SPPL3: variants seen among roughly 807,000 people sequenced by gnomAD.
SPPL3 encodes signal peptide peptidase like 3.
A neutral mutation model predicts 42.4 loss-of-function variants in SPPL3; 5 were observed. The observed-to-expected ratio is 0.12, with a 90% confidence interval of 0.06 to 0.25. The LOEUF (loss-of-function observed/expected upper bound fraction) is 0.25. Among genes scored for constraint, SPPL3 ranks in the 10% least tolerant of loss-of-function variants. The probability of loss-of-function intolerance (pLI) is 1.00; values close to 1 mark genes in which losing one functional copy is unlikely to be tolerated. For synonymous variants in SPPL3, 195 were observed against 181.8 expected, an observed-to-expected ratio of 1.07 and a Z score of -0.58; for missense variants, 235 against 489.0, an observed-to-expected ratio of 0.48 and a Z score of 4.90.
At chr12:120,875,021 C>CTA (rs1210364441) in intron 1 of SPPL3, among the ~76,000 whole-genome samples, 1 of 152,162 alleles carries the variant, frequency 6.6e-6, no homozygotes, top group Admixed American at 6.5e-5. Context: ...GGCCAACAGA[C>CTA]TAAGCTAAGG....
At chr12:120,780,757 AC>A (rs1228001191) in intron 6 of SPPL3, among the ~76,000 whole-genome samples, 6 of 150,794 alleles carry the variant, frequency 4.0e-5, no homozygotes, top group South Asian at 2.1e-4. Flanking sequence ...AAAAAACAAA[AC>A]AAAAATTAGC....
chr12:120,781,686 T>C lies in SPPL3; in HGVS notation c.502+969A>G, dbSNP rs1414489703. Among the ~76,000 whole-genome samples the C allele has an allele frequency of 4.7e-5, 7 of 149,386 alleles. No individual in the cohort carries two copies. In the Admixed American group the frequency reaches 4.7e-4, roughly 10 times the overall value. On this transcript the variant is annotated intron_variant, in intron 6 of 10. Transcript: ENST00000353487. ...CCTCCCGGGTTCACACCTCCGGAGT[T>C]CTCCTGCCTCAGCCTCCCGAGTAGC...
Position 120,867,720 on chromosome 12 carries a change from C to G in SPPL3, c.23+36125G>C, listed in dbSNP as rs1279224337. The stretch of plus-strand genomic sequence containing the variant: ...AGAAGTTTATCTTAGAGTTGAACAA[C>G]TATGGTATTAGACAATTCATGTATT... On this transcript the variant is annotated intron_variant, in intron 1 of 10. Coordinates refer to ENST00000353487, the MANE Select transcript of SPPL3 (RefSeq NM_139015.5). Among the ~76,000 whole-genome samples the G allele has an allele frequency of 2.8e-4, 41 of 145,844 alleles. No individual in the cohort carries two copies. The Admixed American group carries it at 2.9e-3, about 10-fold the overall frequency.
chr12:120,836,018 C>A lies in SPPL3; in HGVS notation c.24-25132G>T, dbSNP rs566439624. On this transcript the variant is annotated intron_variant, in intron 1 of 10. Coordinates refer to ENST00000353487, the MANE Select transcript of SPPL3 (RefSeq NM_139015.5). Reference sequence around the variant, plus strand: ...ACTTTTTATGAAATTCAAATGAGTTCACATTTCAAAATTGAAGTAAGGTAG... The same window carrying A: ...ACTTTTTATGAAATTCAAATGAGTTAACATTTCAAAATTGAAGTAAGGTAG... 1.3e-4 allele frequency among the ~76,000 whole-genome samples: 20 copies of A among 152,242 alleles called. No homozygotes were observed. In the South Asian group the frequency reaches 4.1e-3, roughly 32 times the overall value.
At chr12:120,883,260 G>A (rs1014001290) in intron 1 of SPPL3, among the ~76,000 whole-genome samples, 4 of 151,976 alleles carry the variant, frequency 2.6e-5, no homozygotes, top group African/African-American at 7.3e-5. Flanking sequence ...AGCCGAGATC[G>A]CACCACTGCA....
intron 1 of SPPL3, among the ~76,000 whole-genome samples, chr12:120,830,012 A>G (rs563258033): frequency 1.3e-5 from 2 of 149,956 alleles, no homozygotes; most frequent in South Asian, 4.2e-4. Context: ...AAAAAAAAGA[A>G]GAGTAAATTT....
intron 1 of SPPL3, among the ~76,000 whole-genome samples, chr12:120,856,030 A>G (rs527743725): frequency 7.9e-5 from 12 of 152,240 alleles, no homozygotes; most frequent in Non-Finnish European, 1.6e-4. Flanking sequence ...GTAATATTAC[A>G]GCACTGTCCA....
chr12:120,884,242 G>T (rs555044141), intron 1 of SPPL3, among the ~76,000 whole-genome samples: 29 of 152,154 alleles, frequency 1.9e-4, no homozygotes, highest in Non-Finnish European at 3.4e-4. Context: ...AGAGTACAAA[G>T]GGGGCTTCCA....
At chr12:120,873,548 AGAAG>A (rs1872991747) in intron 1 of SPPL3, among the ~76,000 whole-genome samples, 1 of 152,228 alleles carries the variant, frequency 6.6e-6, no homozygotes, top group Non-Finnish European at 1.5e-5. Context: ...TCAAGTGTCC[AGAAG>A]GAAAAGGCCG....
At chr12:120,855,704 A>G (rs56206244) in intron 1 of SPPL3, among the ~76,000 whole-genome samples, 6,356 of 145,566 alleles carry the variant, frequency 0.044, 187 homozygotes, top group South Asian at 0.12. Context: ...CAAAAAAAAA[A>G]AAGAAAAGAA....
At chr12:120,901,928 T>C (rs1157301389) in intron 1 of SPPL3, 1 of 985,380 alleles carries the variant, frequency 1.0e-6, no homozygotes, top group Non-Finnish European at 1.2e-6. Flanking sequence ...AGTTTTCTAT[T>C]CTTTCAACCA....
intron 1 of SPPL3, among the ~76,000 whole-genome samples, chr12:120,817,132 T>TA (rs34780548): frequency 0.11 from 15,466 of 143,496 alleles, 1,526 homozygotes; most frequent in African/African-American, 0.27. Context: ...TATGAAAAAT[T>TA]AAAAAAAAAA....
intron 1 of SPPL3, among the ~76,000 whole-genome samples, chr12:120,843,829 G>A (rs1311025936): frequency 3.9e-5 from 6 of 152,060 alleles, no homozygotes; most frequent in East Asian, 3.8e-4. Flanking sequence ...ATGGTGGCAC[G>A]CGCCTATAAC....
At chr12:120,769,343 C>A in intron 6 of SPPL3, 1 of 317,884 alleles carries the variant, frequency 3.1e-6, no homozygotes, top group South Asian at 4.2e-5. Flanking sequence ...TCTTTTCCTG[C>A]CTTCCCTCCA....
chr12:120,829,933 G>T (rs939831254), intron 1 of SPPL3, among the ~76,000 whole-genome samples: 1 of 150,918 alleles, frequency 6.6e-6, no homozygotes, highest in African/African-American at 2.4e-5. Context: ...GATAGAGGTC[G>T]CAGTGAGCTG....
chr12:120,838,811 T>C (rs962165389), intron 1 of SPPL3, among the ~76,000 whole-genome samples: 2 of 152,202 alleles, frequency 1.3e-5, no homozygotes, highest in South Asian at 4.2e-4. Context: ...CAATGAGATA[T>C]CATCTCACAC....
At chr12:120,892,997 A>C (rs1336043160) in intron 1 of SPPL3, among the ~76,000 whole-genome samples, 1 of 151,522 alleles carries the variant, frequency 6.6e-6, no homozygotes, top group African/African-American at 2.4e-5. Context: ...AAAAAAAAAA[A>C]AAAATACAAC....
intron 3 of SPPL3, among the ~76,000 whole-genome samples, chr12:120,789,346 C>T (rs917923225): frequency 2.1e-4 from 31 of 147,062 alleles, no homozygotes; most frequent in Admixed American, 1.3e-3. Flanking sequence ...CCCAGCTACT[C>T]GGGAGGCAGA....
intron 1 of SPPL3, among the ~76,000 whole-genome samples, chr12:120,851,749 G>A (rs1872231959): frequency 6.6e-6 from 1 of 152,046 alleles, no homozygotes; most frequent in African/African-American, 2.4e-5. Flanking sequence ...GACTACAGGT[G>A]AGCGCTACCA....
Sources: gnomAD v4.1 joint callset for allele counts (sites outside exome capture counted in the v4.1 genomes callset) on GRCh38, gnomAD v4.1.1 for gene constraint, MANE v1.5 for transcripts, NCBI Gene and HGNC (gene_info 2026-07-23, HGNC 2026-07-21) for gene names.